Variants in WFDC1 observed in about 807,000 individuals in gnomAD.
WFDC1 encodes WAP four-disulfide core domain 1.
WFDC1 carries 39 observed loss-of-function variants against 32.9 expected under a neutral mutation model. The observed-to-expected ratio is 1.19, with a 90% CI of 0.92 to 1.55. The LOEUF is 1.55. Ranked by LOEUF, WFDC1 falls within the 40% of genes most tolerant of loss-of-function variation. WFDC1 has a pLI of 0.00. For missense variants in WFDC1, 386 were observed against 309.5 expected (o/e 1.25, Z -1.85); for synonymous variants, 184 against 137.4 (o/e 1.34, Z -2.37).
At chr16:84,295,355 C>G (rs1398315973) in intron 1 of WFDC1, 2 of 520,794 alleles carry the variant, frequency 3.8e-6, no homozygotes, top group Non-Finnish European at 6.6e-6. Flanking sequence ...GCCAAAGAAT[C>G]GTGCCTTACT....
intron 1 of WFDC1, among the ~76,000 whole-genome samples, chr16:84,300,396 C>T (rs778311263): frequency 6.6e-6 from 1 of 152,270 alleles, no homozygotes; most frequent in African/African-American, 2.4e-5. Flanking sequence ...CTCATTAACA[C>T]TCCCTGAAGG....
At chr16:84,322,261 G>T (rs976584397) in intron 4 of WFDC1, among the ~76,000 whole-genome samples, 1 of 151,020 alleles carries the variant, frequency 6.6e-6, no homozygotes, top group African/African-American at 2.4e-5. Context: ...CCCTAGCCTT[G>T]TTCTCAGGGG....
Position 84,319,574 on chromosome 16 carries a change from G to A in WFDC1, c.562+3G>A, listed in dbSNP as rs751275265. 1.2e-6 allele frequency: 2 copies of A among 1,611,730 alleles called. No individual in the cohort carries two copies. Among genetic ancestry groups the A allele is most frequent in the Admixed American group, 1.7e-5 (1 of 60,006 alleles). On this transcript the variant is annotated splice_donor_region_variant and intron_variant, in intron 4 of 6. Coordinates refer to ENST00000219454, the MANE Select transcript of WFDC1 (RefSeq NM_021197.4). ...CGTCAAGCAGCGCCGGCAAGCAGGT[G>A]AGTGTGGCACCCCAGCCCTGATCCT...
At chr16:84,305,929 G>C (rs1278812432) in intron 1 of WFDC1, among the ~76,000 whole-genome samples, 2 of 151,970 alleles carry the variant, frequency 1.3e-5, no homozygotes, top group African/African-American at 4.8e-5. Flanking sequence ...GTTGAGTCTG[G>C]GAGGCGGAGG....
chr16:84,305,043 C>T (rs574312458), intron 1 of WFDC1, among the ~76,000 whole-genome samples: 2 of 150,134 alleles, frequency 1.3e-5, no homozygotes, highest in African/African-American at 5.1e-5. Context: ...CTCTTCTCAG[C>T]TGCTTGCTCT....
At chr16:84,323,843 G>A (rs995862587) in intron 4 of WFDC1, among the ~76,000 whole-genome samples, 8 of 152,352 alleles carry the variant, frequency 5.3e-5, no homozygotes, top group African/African-American at 1.2e-4. Context: ...GGTTTTGGCC[G>A]GGCATGGCGG....
chr16:84,315,292 C>T (rs1470502870), intron 2 of WFDC1, among the ~76,000 whole-genome samples: 1 of 152,204 alleles, frequency 6.6e-6, no homozygotes, highest in East Asian at 1.9e-4. Context: ...CATTTTTAAA[C>T]CCTCCATCCC....
chr16:84,307,860 T>C (rs1007442847), intron 1 of WFDC1, among the ~76,000 whole-genome samples: 2 of 152,184 alleles, frequency 1.3e-5, no homozygotes, highest in African/African-American at 4.8e-5. Flanking sequence ...CGTGGGATTA[T>C]GCACCTGCTG....
chr16:84,298,726 C>G (rs1014138608), intron 1 of WFDC1, among the ~76,000 whole-genome samples: 1 of 152,188 alleles, frequency 6.6e-6, no homozygotes, highest in Non-Finnish European at 1.5e-5. Context: ...GCGGACTGGT[C>G]TCTTAGAGTG....
At position 84,319,395 on chromosome 16, in the gene WFDC1, C is replaced by T. The variant is rs116508956; in HGVS notation, c.422-36C>T. Reference sequence around the variant, plus strand: ...TAGCATGTGCACCTGTCCTGGGAGTCGGCCTTCTAGACCCCAGCGTGTGTC... The same window carrying T: ...TAGCATGTGCACCTGTCCTGGGAGTTGGCCTTCTAGACCCCAGCGTGTGTC... On this transcript the variant is annotated intron_variant, in intron 3 of 6. Transcript: ENST00000219454. 6,203 of 1,600,120 alleles carry T rather than the reference C, an allele frequency of 3.9e-3. 181 individuals carry two copies. In the African/African-American group the frequency reaches 0.07, roughly 18 times the overall value.
intron 4 of WFDC1, among the ~76,000 whole-genome samples, chr16:84,322,220 G>C (rs1360014240): frequency 6.9e-6 from 1 of 145,626 alleles, no homozygotes; most frequent in Non-Finnish European, 1.5e-5. Context: ...AACGATTTGA[G>C]GCTTCCAAAT....
chr16:84,313,909 G>T (rs8051106), intron 2 of WFDC1, among the ~76,000 whole-genome samples: 1 of 152,222 alleles, frequency 6.6e-6, no homozygotes, highest in Non-Finnish European at 1.5e-5. Context: ...AGGCGTGGTG[G>T]CAGGAGCCTC....
intron 3 of WFDC1, chr16:84,319,108 C>T (rs78678310): frequency 0.025 from 9,721 of 383,204 alleles, 209 homozygotes; most frequent in Non-Finnish European, 0.033. Flanking sequence ...TGTCCCCATG[C>T]GACTGTAGGG....
chr16:84,327,611 C>T (rs929102916), intron 6 of WFDC1: 2 of 152,202 alleles, frequency 1.3e-5, no homozygotes, highest in African/African-American at 4.8e-5. Context: ...TAAATGAGGA[C>T]CTACTGCAAT....
At chr16:84,304,854 G>A (rs1907157203) in intron 1 of WFDC1, among the ~76,000 whole-genome samples, 1 of 152,202 alleles carries the variant, frequency 6.6e-6, no homozygotes, top group East Asian at 1.9e-4. Context: ...ACTCCACCCT[G>A]AGCTGGGGCT....
chr16:84,320,986 A>G (rs1436544505), intron 4 of WFDC1, among the ~76,000 whole-genome samples: 1 of 152,220 alleles, frequency 6.6e-6, no homozygotes, highest in African/African-American at 2.4e-5. Flanking sequence ...AAATCCCGGA[A>G]TCCTGAACTT....
At chr16:84,309,023 A>G (rs1170226463) in intron 1 of WFDC1, among the ~76,000 whole-genome samples, 1 of 152,208 alleles carries the variant, frequency 6.6e-6, no homozygotes, top group African/African-American at 2.4e-5. Context: ...TCACACAGCA[A>G]GTGAGTGGCA....
At position 84,313,168 on chromosome 16, in the gene WFDC1, C is replaced by T; in HGVS notation, c.337+15C>T. Reference sequence around the variant, plus strand: ...GCCCCCGCCAGGTAGGTCCTGGGCCCGAGGGAGGGGGCTGAGGGAGGAGGA... The same window carrying T: ...GCCCCCGCCAGGTAGGTCCTGGGCCTGAGGGAGGGGGCTGAGGGAGGAGGA... On this transcript the variant is annotated intron_variant, in intron 2 of 6. Transcript: ENST00000219454. 1 of 1,407,034 alleles carries T rather than the reference C, an allele frequency of 7.1e-7. No homozygotes were observed. The allele number at this position is 1,407,034 out of a possible 1,614,324, so 87.2% of individuals were successfully genotyped here.
intron 3 of WFDC1, chr16:84,318,606 G>C (rs1908103342): frequency 4.8e-6 from 2 of 420,758 alleles, no homozygotes; most frequent in Admixed American, 6.7e-5. Context: ...CCTGGATGGA[G>C]AATTGAAGGG....
Sources: allele counts gnomAD v4.1 joint callset (sites outside exome capture counted in the v4.1 genomes callset), GRCh38; gene constraint gnomAD v4.1.1; transcripts MANE v1.5; gene names NCBI Gene and HGNC (gene_info 2026-07-23, HGNC 2026-07-21).